NPAS3: variants seen among roughly 807,000 people sequenced by gnomAD.
The protein encoded by NPAS3 is neuronal PAS domain protein 3.
Under a neutral mutation model 73.1 loss-of-function variants are expected in NPAS3, and 14 were observed. The ratio of observed to expected loss-of-function variants is 0.19; its 90% CI spans 0.13 to 0.30. NPAS3 has a LOEUF of 0.30. Among genes scored for constraint, NPAS3 ranks in the 10% least tolerant of loss-of-function variants. The probability of loss-of-function intolerance (pLI) is 1.00; values close to 1 mark genes in which losing one functional copy is unlikely to be tolerated. For synonymous variants in NPAS3, 620 were observed against 541.5 expected, an observed-to-expected ratio of 1.14 and a Z score of -2.01; for missense variants, 1,096 against 1,250.0, an observed-to-expected ratio of 0.88 and a Z score of 1.86.
chr14:32,977,080 G>A lies in NPAS3; in HGVS notation c.50+37714G>A, dbSNP rs200616611. On this transcript the variant is annotated intron_variant, in intron 1 of 11. Coordinates refer to ENST00000356141, the Ensembl canonical transcript of NPAS3. Reference sequence around the variant, plus strand: ...CACACACACACACATACACACACACGTTTTTAACGGCATAACATTATTTTT... The same window carrying A: ...CACACACACACACATACACACACACATTTTTAACGGCATAACATTATTTTT... Among the ~76,000 whole-genome samples, 13 of 94,300 alleles carry A rather than the reference G, an allele frequency of 1.4e-4. No homozygotes were observed. In the East Asian group the frequency reaches 2.0e-3, roughly 14 times the overall value. 61.9% of individuals were successfully genotyped at this position (94,300 alleles called of 152,430 possible).
At chr14:33,606,544 T>C (rs938728600) in intron 5 of NPAS3, among the ~76,000 whole-genome samples, 1 of 148,864 alleles carries the variant, frequency 6.7e-6, no homozygotes, top group Admixed American at 7.0e-5. Context: ...TTCATTCATA[T>C]GCAGAAAAAA....
chr14:33,358,706 C>G (rs1208893897), intron 3 of NPAS3, among the ~76,000 whole-genome samples: 1 of 152,124 alleles, frequency 6.6e-6, no homozygotes, highest in East Asian at 1.9e-4. Context: ...TTAGGAGATG[C>G]CTTTTCAATT....
chr14:33,269,378 C>A (rs1315986539), intron 3 of NPAS3, among the ~76,000 whole-genome samples: 1 of 152,150 alleles, frequency 6.6e-6, no homozygotes, highest in Non-Finnish European at 1.5e-5. Flanking sequence ...TCTTTCCCAA[C>A]ACCCAAATTT....
chr14:33,486,714 C>T (rs147193851), intron 4 of NPAS3, among the ~76,000 whole-genome samples: 154 of 152,266 alleles, frequency 1.0e-3, no homozygotes, highest in African/African-American at 2.9e-3. Flanking sequence ...CTGAGGGGCC[C>T]GGCAGATTCC....
chr14:33,710,377 A>G (rs1168987484), intron 6 of NPAS3, among the ~76,000 whole-genome samples: 1 of 152,190 alleles, frequency 6.6e-6, no homozygotes, highest in East Asian at 1.9e-4. Flanking sequence ...TTGAGATCTT[A>G]TCTTTCTTGT....
intron 2 of NPAS3, among the ~76,000 whole-genome samples, chr14:33,096,034 A>G (rs2042409527): frequency 6.7e-6 from 1 of 149,840 alleles, no homozygotes. Context: ...TTGTTAATCT[A>G]GTGTGCATGG....
intron 9 of NPAS3, among the ~76,000 whole-genome samples, chr14:33,790,412 T>C (rs1481727284): frequency 6.6e-6 from 1 of 152,248 alleles, no homozygotes; most frequent in Non-Finnish European, 1.5e-5. Context: ...TCTAATTTAT[T>C]ACACACTAAA....
chr14:33,754,578 T>A (rs779978833), intron 7 of NPAS3, among the ~76,000 whole-genome samples: 66 of 152,188 alleles, frequency 4.3e-4, no homozygotes, highest in Non-Finnish European at 7.2e-4. Context: ...CAGGCAATAT[T>A]TTATGACAGT....
intron 3 of NPAS3, among the ~76,000 whole-genome samples, chr14:33,351,867 G>C (rs370993621): frequency 6.6e-6 from 1 of 152,106 alleles, no homozygotes; most frequent in Admixed American, 6.5e-5. Flanking sequence ...TGGACCCAGG[G>C]AAGGGAGCAA....
intron 3 of NPAS3, among the ~76,000 whole-genome samples, chr14:33,234,349 C>T (rs921526492): frequency 4.6e-5 from 7 of 152,078 alleles, no homozygotes; most frequent in Admixed American, 2.6e-4. Context: ...AAGGGATTTA[C>T]GCATGCAAAT....
chr14:33,508,768 AG>A (rs1461325756), intron 4 of NPAS3, among the ~76,000 whole-genome samples: 1 of 152,012 alleles, frequency 6.6e-6, no homozygotes, highest in East Asian at 1.9e-4. Flanking sequence ...ACAATTTCCT[AG>A]GCCTCCCTTA....
chr14:33,055,917 G>A (rs1441918799), exon 2 of NPAS3: 9 of 810,010 alleles, frequency 1.1e-5, no homozygotes, highest in Non-Finnish European at 1.9e-5. Context: ...TAACTGCCCA[G>A]CATCCTCTGC....
At chr14:33,441,820 A>AAG (rs2049262813) in intron 4 of NPAS3, among the ~76,000 whole-genome samples, 1 of 152,172 alleles carries the variant, frequency 6.6e-6, no homozygotes, top group South Asian at 2.1e-4. Context: ...GGTGGCAGGT[A>AAG]AGAGCACCAG....
At chr14:33,062,810 G>A (rs12894058) in intron 2 of NPAS3, among the ~76,000 whole-genome samples, 56,579 of 152,110 alleles carry the variant, frequency 0.37, 10,803 homozygotes, top group African/African-American at 0.45. Context: ...CCAGACTTTA[G>A]AAATACTACA....
intron 2 of NPAS3, among the ~76,000 whole-genome samples, chr14:33,142,502 G>C (rs2044091448): frequency 6.6e-6 from 1 of 151,740 alleles, no homozygotes; most frequent in Admixed American, 6.6e-5. Context: ...GTCAGTGTTT[G>C]TATTCAAATC....
At chr14:33,540,402 C>A (rs2054457884) in intron 4 of NPAS3, among the ~76,000 whole-genome samples, 1 of 152,188 alleles carries the variant, frequency 6.6e-6, no homozygotes, top group Non-Finnish European at 1.5e-5. Flanking sequence ...ATATTATTGC[C>A]TTGTGCAGCC....
intron 2 of NPAS3, among the ~76,000 whole-genome samples, chr14:33,138,399 T>C (rs941355085): frequency 1.3e-5 from 2 of 152,172 alleles, no homozygotes; most frequent in Admixed American, 1.3e-4. Context: ...ATTACTTGAA[T>C]ACATATAAAG....
At chr14:33,675,847 A>G (rs2059746856) in intron 5 of NPAS3, among the ~76,000 whole-genome samples, 1 of 152,218 alleles carries the variant, frequency 6.6e-6, no homozygotes, top group Non-Finnish European at 1.5e-5. Context: ...AGAAAACTGT[A>G]GAATTCAGTC....
At position 33,577,549 on chromosome 14, in the gene NPAS3, CAGAG is replaced by C. The variant is rs146633735; in HGVS notation, c.558+17343_558+17346del. ...TGCCCATTTGACAGATATGGAAACA[CAGAG>C]AGAACCAGGAAGTGGTAAGCCAGGA... On this transcript the variant is annotated intron_variant, in intron 5 of 11. Transcript: ENST00000356141. Among the ~76,000 whole-genome samples, 1,059 of 152,222 alleles carry C rather than the reference CAGAG, an allele frequency of 7.0e-3. 53 individuals carry two copies. In the East Asian group the frequency reaches 0.16, roughly 22 times the overall value.
Sources: gnomAD v4.1 joint callset for allele counts (sites outside exome capture counted in the v4.1 genomes callset) on GRCh38, gnomAD v4.1.1 for gene constraint, MANE v1.5 for transcripts, NCBI Gene and HGNC (gene_info 2026-07-23, HGNC 2026-07-21) for gene names.